The following HMCN1 variants were observed in gnomAD, a reference collection of about 807,000 sequenced individuals.
The protein encoded by HMCN1 is hemicentin-1.
In HMCN1, 321 loss-of-function variants were observed where a neutral mutation model predicts 625.9. The ratio of observed to expected loss-of-function variants is 0.51; its 90% CI spans 0.47 to 0.56. The LOEUF (loss-of-function observed/expected upper bound fraction) is 0.56, where lower values mean the gene tolerates loss of function less well. HMCN1 is among the 20% of genes least tolerant of loss of function. The pLI is 0.00. For missense variants in HMCN1, 6,588 were observed against 6,887.3 expected, an observed-to-expected ratio of 0.96 and a Z score of 1.54; for synonymous variants, 2,425 against 2,417.6, an observed-to-expected ratio of 1.00 and a Z score of -0.09.
chr1:185,938,431 C>T (rs1294413890), intron 11 of HMCN1, among the ~76,000 whole-genome samples: 1 of 151,794 alleles, frequency 6.6e-6, no homozygotes, highest in Non-Finnish European at 1.5e-5. Context: ...ATGATAATTG[C>T]AGTGGATATT....
intron 43 of HMCN1, 131 bp from the exon 44 acceptor site, chr1:186,053,694 G>C (rs941923994): frequency 4.6e-6 from 4 of 862,896 alleles, no homozygotes; most frequent in Non-Finnish European, 7.6e-6. Context: ...TTACACACTA[G>C]GGCAGGATTA....
intron 41 of HMCN1, among the ~76,000 whole-genome samples, chr1:186,047,998 CT>C (rs113038565): frequency 6.6e-6 from 1 of 152,080 alleles, no homozygotes; most frequent in African/African-American, 2.4e-5. Context: ...TCCCATACTG[CT>C]TGTTATATCT....
At chr1:185,790,974 T>C (rs564438165) in intron 1 of HMCN1, among the ~76,000 whole-genome samples, 1 of 152,322 alleles carries the variant, frequency 6.6e-6, no homozygotes, top group South Asian at 2.1e-4. Context: ...TCCTATATTA[T>C]TCTATTTATA....
chr1:186,013,419 C>G (rs1419296069), intron 30 of HMCN1, among the ~76,000 whole-genome samples: 2 of 152,144 alleles, frequency 1.3e-5, no homozygotes, highest in South Asian at 4.1e-4. Flanking sequence ...GTCGAATTCA[C>G]CTCAAAGTAT....
intron 94 of HMCN1, 52 bp from the exon 95 acceptor site, chr1:186,151,554 A>C: frequency 6.4e-7 from 1 of 1,553,110 alleles, no homozygotes; most frequent in South Asian, 1.1e-5. Context: ...TGAAGACAAT[A>C]AAATAGACTA....
Position 185,847,886 on chromosome 1 carries a change from G to A in HMCN1, c.339+1790G>A, listed in dbSNP as rs141037402. On this transcript the variant is annotated intron_variant, in intron 2 of 106. Transcript: ENST00000271588. ...GAGGATCACTTGAGCCCAGGAGTTC[G>A]AGGCTACAATGAGCTATTATGATAC... Among the ~76,000 whole-genome samples the A allele has an allele frequency of 2.1e-3, 317 of 152,086 alleles. 2 individuals carry two copies. Among genetic ancestry groups the A allele is most frequent in the Admixed American group, 9.7e-3 (148 of 15,276 alleles).
At chr1:185,933,269 G>A (rs905248239) in intron 10 of HMCN1, among the ~76,000 whole-genome samples, 2 of 152,050 alleles carry the variant, frequency 1.3e-5, no homozygotes, top group African/African-American at 4.8e-5. Context: ...AGTCAGTCAA[G>A]TTATACTCTT....
chr1:185,970,995 A>G (rs1221396560), intron 15 of HMCN1, among the ~76,000 whole-genome samples: 2 of 152,138 alleles, frequency 1.3e-5, no homozygotes, highest in African/African-American at 4.8e-5. Flanking sequence ...CAAAAAATTT[A>G]TACGGAAAGA....
At chr1:185,958,456 G>T (rs1649776283) in intron 11 of HMCN1, among the ~76,000 whole-genome samples, 1 of 152,170 alleles carries the variant, frequency 6.6e-6, no homozygotes. Flanking sequence ...GTATGTAAGT[G>T]TGAGGATTGT....
At chr1:185,891,759 C>T (rs1443259218) in intron 4 of HMCN1, among the ~76,000 whole-genome samples, 1 of 148,056 alleles carries the variant, frequency 6.8e-6, no homozygotes, top group Non-Finnish European at 1.5e-5. Context: ...TCCTTCATTT[C>T]AACTTTGGTG....
chr1:186,155,301 C>T (rs1038648752), intron 97 of HMCN1, among the ~76,000 whole-genome samples: 6 of 152,130 alleles, frequency 3.9e-5, no homozygotes, highest in Admixed American at 1.3e-4. Flanking sequence ...TAGCCAGTGA[C>T]ACCCATAGCC....
At chr1:186,172,517 G>A (rs1338881715) in intron 102 of HMCN1, among the ~76,000 whole-genome samples, 2 of 152,122 alleles carry the variant, frequency 1.3e-5, no homozygotes, top group Non-Finnish European at 2.9e-5. Flanking sequence ...TTATTTTGGA[G>A]ATGTATATTC....
At chr1:185,989,945 G>C (rs1476485068) in intron 21 of HMCN1, among the ~76,000 whole-genome samples, 1 of 152,068 alleles carries the variant, frequency 6.6e-6, no homozygotes, top group Non-Finnish European at 1.5e-5. Context: ...ACACCAGTTA[G>C]TTAACACTCC....
intron 8 of HMCN1, among the ~76,000 whole-genome samples, chr1:185,924,213 A>ATTTTTTTT (rs1558068693): frequency 1.3e-5 from 1 of 77,624 alleles, no homozygotes; most frequent in African/African-American, 5.1e-5. Context: ...CTCTGACCCA[A>ATTTTTTTT]TCTTTTTTTT....
intron 36 of HMCN1, among the ~76,000 whole-genome samples, chr1:186,035,875 T>C (rs1317562394): frequency 6.6e-6 from 1 of 152,112 alleles, no homozygotes; most frequent in African/African-American, 2.4e-5. Context: ...GCATACACAA[T>C]CTGCATGGGT....
intron 71 of HMCN1, among the ~76,000 whole-genome samples, chr1:186,110,002 A>C (rs1374044869): frequency 6.6e-6 from 1 of 152,232 alleles, no homozygotes; most frequent in East Asian, 1.9e-4. Flanking sequence ...AGGTTGACCA[A>C]GTGATGTCAA....
Position 185,970,258 on chromosome 1 carries a change from T to G in HMCN1, c.2213-77T>G. ...TTTGCAATCAACTTTATTTGGAAGT[T>G]TTGAAATTAAACCAATAGCTGCATA... On this transcript the variant is annotated intron_variant, in intron 14 of 106. Transcript: ENST00000271588. 4.4e-6 allele frequency: 6 copies of G among 1,374,556 alleles called. 1 individual carries two copies. Among genetic ancestry groups the G allele is most frequent in the South Asian group, 3.5e-5 (3 of 85,822 alleles). The allele number at this position is 1,374,556 out of a possible 1,614,324, so 85.1% of individuals were successfully genotyped here. A position where few individuals can be genotyped will look rare whatever the true frequency, so the allele number is the denominator to read the frequency against.
At chr1:185,998,708 T>A (rs930605469) in intron 25 of HMCN1, among the ~76,000 whole-genome samples, 2 of 152,304 alleles carry the variant, frequency 1.3e-5, no homozygotes, top group Non-Finnish European at 2.9e-5. Context: ...AATATAATGC[T>A]TGAATTCATT....
At chr1:186,000,314 T>C (rs942443875) in intron 26 of HMCN1, 75 bp downstream of exon 26, 13 of 1,062,504 alleles carry the variant, frequency 1.2e-5, no homozygotes, top group Non-Finnish European at 1.9e-5. Flanking sequence ...ATTCTCTCAG[T>C]GTAATATCAT....
Sources: gnomAD v4.1 joint callset for allele counts (sites outside exome capture counted in the v4.1 genomes callset) on GRCh38, gnomAD v4.1.1 for gene constraint, MANE v1.5 for transcripts, NCBI Gene and HGNC (gene_info 2026-07-23, HGNC 2026-07-21) for gene names.